Variants in NAPEPLD observed in about 807,000 individuals in gnomAD.
NAPEPLD encodes the protein N-acyl phosphatidylethanolamine phospholipase D, also known as N-acyl-phosphatidylethanolamine-hydrolyzing phospholipase D.
A neutral mutation model predicts 38.1 loss-of-function variants in NAPEPLD; 23 were observed. The ratio of observed to expected loss-of-function variants is 0.60; its 90% CI spans 0.43 to 0.86. NAPEPLD has a LOEUF of 0.86. NAPEPLD is among the 40% of genes least tolerant of loss of function. NAPEPLD has a pLI of 0.00. For missense variants in NAPEPLD, 411 were observed against 476.8 expected (o/e 0.86, Z 1.28); for synonymous variants, 147 against 162.0 (o/e 0.91, Z 0.71).
intron 1 of NAPEPLD, among the ~76,000 whole-genome samples, chr7:103,131,915 A>G (rs1449354921): frequency 6.6e-6 from 1 of 152,180 alleles, no homozygotes; most frequent in African/African-American, 2.4e-5. Context: ...GGAGTTCGAG[A>G]CTAGCCTGGC....
chr7:103,106,889 G>A lies in NAPEPLD; in HGVS notation c.1057-3335C>T, dbSNP rs139070370. ...AGAGCACTGGTTCTCCCAGCACAGC[G>A]TTCGAGCTCTGATAAGGGACAGACT... On this transcript the variant is annotated intron_variant, in intron 4 of 4. Coordinates refer to ENST00000465647, the MANE Select transcript of NAPEPLD (RefSeq NM_001122838.3). Among the ~76,000 whole-genome samples the A allele has an allele frequency of 5.3e-5, 8 of 152,290 alleles. No individual in the cohort carries two copies. In the East Asian group the frequency reaches 1.2e-3, roughly 22 times the overall value.
At chr7:103,115,892 G>C (rs1327578660) in intron 3 of NAPEPLD, among the ~76,000 whole-genome samples, 1 of 152,100 alleles carries the variant, frequency 6.6e-6, no homozygotes, top group Non-Finnish European at 1.5e-5. Context: ...GAATGGGGTG[G>C]TAACTTCTTG....
At chr7:103,125,261 CAATT>C (rs1807521613) in intron 2 of NAPEPLD, among the ~76,000 whole-genome samples, 1 of 152,098 alleles carries the variant, frequency 6.6e-6, no homozygotes, top group African/African-American at 2.4e-5. Flanking sequence ...AACTCCAATT[CAATT>C]AATTATTGAT....
Position 103,136,736 on chromosome 7 carries a change from ATT to A in NAPEPLD, c.-16-7946_-16-7945del, listed in dbSNP as rs1157759230. ...AAGCCTAAGTTACTGAATTTTTTTC[ATT>A]TTTCTTTCCTTAATTTCACGTAACA... On this transcript the variant is annotated intron_variant, in intron 1 of 4. Coordinates refer to ENST00000465647, the MANE Select transcript of NAPEPLD (RefSeq NM_001122838.3). 3.3e-5 allele frequency among the ~76,000 whole-genome samples: 5 copies of A among 152,008 alleles called. No homozygotes were observed. In the East Asian group the frequency reaches 9.6e-4, roughly 29 times the overall value.
Position 103,101,499 on chromosome 7 carries a change from A to G in NAPEPLD, c.*1930T>C, listed in dbSNP as rs1469822552. 1 of 152,618 alleles carries G rather than the reference A, an allele frequency of 6.6e-6. No homozygotes were observed. The highest frequency in any genetic ancestry group is 6.5e-5 in the Admixed American group (1 of 15,280). 9.5% of individuals were successfully genotyped at this position (152,618 alleles called of 1,614,324 possible). Reference sequence around the variant, plus strand: ...ATATAATGCTTAAATTTGCAACAGGAACAATACATTATCAAAAGCATTAAC... The same window carrying G: ...ATATAATGCTTAAATTTGCAACAGGGACAATACATTATCAAAAGCATTAAC... On this transcript the variant is annotated 3_prime_UTR_variant, in exon 5 of 5. Transcript: ENST00000465647.
In NAPEPLD at chr7:103,149,085, C is replaced by G; in HGVS notation, c.-291G>C. On this transcript the variant is annotated 5_prime_UTR_variant, in exon 1 of 5. Coordinates refer to ENST00000465647, the MANE Select transcript of NAPEPLD (RefSeq NM_001122838.3). ...TTCGCCGAAGAATTCCAAACCACCCCAGGCTCAGCAGTGTGGATTGCTCCG... is the reference window on the plus strand; with the variant it reads ...TTCGCCGAAGAATTCCAAACCACCCGAGGCTCAGCAGTGTGGATTGCTCCG... 1.0e-6 allele frequency: 1 copy of G among 985,546 alleles called. No homozygotes were observed. Among genetic ancestry groups the G allele is most frequent in the Non-Finnish European group, 1.2e-6 (1 of 830,040 alleles). 61.1% of individuals were successfully genotyped at this position (985,546 alleles called of 1,614,324 possible). A position where few individuals can be genotyped will look rare whatever the true frequency, so the allele number is the denominator to read the frequency against.
At position 103,148,860 on chromosome 7, in the gene NAPEPLD, G is replaced by A; in HGVS notation, c.-66C>T. On this transcript the variant is annotated 5_prime_UTR_variant, in exon 1 of 5. Coordinates refer to ENST00000465647, the MANE Select transcript of NAPEPLD (RefSeq NM_001122838.3). ...AACCTGGTAATTTGCAGGGAAGATA[G>A]GATCTCAAATCCCAGACAGCTACTC... The A allele has an allele frequency of 1.0e-6, 1 of 985,386 alleles. No homozygotes were observed. Among genetic ancestry groups the A allele is most frequent in the Non-Finnish European group, 1.2e-6 (1 of 829,916 alleles). The allele number at this position is 985,386 out of a possible 1,614,324, so 61.0% of individuals were successfully genotyped here. A position where few individuals can be genotyped will look rare whatever the true frequency, so the allele number is the denominator to read the frequency against.
chr7:103,120,026 T>C lies in NAPEPLD; in HGVS notation c.492A>G (p.Arg164=). The change falls in exon 3 of 5, where the codon CGA becomes CGG. Residue 164 remains arginine (R), a synonymous_variant. Transcript: ENST00000465647. ...TTATTGTGCACGGGGAACGACGAAA[T>C]CGCTTTGGACCCATGTACTGCGATG... ...ASPSQYMGPK[R]FRRSPCTISE... The C allele has an allele frequency of 1.2e-6, 2 of 1,614,146 alleles. No homozygotes were observed. The highest frequency in any genetic ancestry group is 1.7e-6 in the Non-Finnish European group (2 of 1,180,032).
At chr7:103,118,310 AATT>A (rs1359577525) in intron 3 of NAPEPLD, among the ~76,000 whole-genome samples, 5 of 152,226 alleles carry the variant, frequency 3.3e-5, no homozygotes, top group African/African-American at 9.6e-5. Flanking sequence ...GTTTCATTAG[AATT>A]ATAACTATTT....
intron 1 of NAPEPLD, chr7:103,141,957 C>A (rs560904242): frequency 1.2e-6 from 1 of 816,282 alleles, no homozygotes. Flanking sequence ...GCCACAGCAG[C>A]GAAAGGAAAG....
chr7:103,104,165 G>A (rs904549827), intron 4 of NAPEPLD, among the ~76,000 whole-genome samples: 10 of 152,176 alleles, frequency 6.6e-5, no homozygotes, highest in African/African-American at 2.2e-4. Context: ...TGTTTGAAAA[G>A]TAAGCTTGAG....
chr7:103,133,009 C>T (rs1002041876), intron 1 of NAPEPLD, among the ~76,000 whole-genome samples: 1 of 152,148 alleles, frequency 6.6e-6, no homozygotes, highest in African/African-American at 2.4e-5. Flanking sequence ...CTAACACACA[C>T]AAAGTCCAGT....
At chr7:103,149,596 C>T (rs1813314055), upstream of NAPEPLD, 1 of 831,062 alleles carries the variant, frequency 1.2e-6, no homozygotes, top group South Asian at 1.7e-5. Context: ...GATGGCCGCC[C>T]CTGTGGGCCG....
Position 103,101,697 on chromosome 7 carries a change from C to T in NAPEPLD, c.*1732G>A, listed in dbSNP as rs11560367. 0.88 allele frequency: 134,871 copies of T among 152,628 alleles called. 62,000 individuals are homozygous for T. The highest frequency in any genetic ancestry group is 1 in the East Asian group (5,195 of 5,196). 9.5% of individuals were successfully genotyped at this position (152,628 alleles called of 1,614,324 possible). On this transcript the variant is annotated 3_prime_UTR_variant, in exon 5 of 5. Coordinates refer to ENST00000465647, the MANE Select transcript of NAPEPLD (RefSeq NM_001122838.3). ...AATGAGGAAACAGGCACAGTGAGCA[C>T]TGGTGACTTGTTTCAGGTTACACAA...
chr7:103,141,721 G>A, intron 1 of NAPEPLD: 1 of 864,174 alleles, frequency 1.2e-6, no homozygotes, highest in Non-Finnish European at 2.0e-6. Context: ...CCATATGCCT[G>A]CCCTTCCGGC....
At chr7:103,144,639 A>G (rs1305590647) in intron 1 of NAPEPLD, among the ~76,000 whole-genome samples, 3 of 151,812 alleles carry the variant, frequency 2.0e-5, no homozygotes, top group Non-Finnish European at 2.9e-5. Context: ...GTCAAGTCCC[A>G]TAAAGAGAAA....
intron 1 of NAPEPLD, among the ~76,000 whole-genome samples, chr7:103,143,103 A>G (rs567326735): frequency 6.6e-5 from 10 of 152,058 alleles, no homozygotes; most frequent in Non-Finnish European, 1.3e-4. Context: ...ACACACACGC[A>G]AAAATTAGCC....
chr7:103,120,252 G>C (rs79229777), intron 2 of NAPEPLD, 29 bp from the exon 3 acceptor site: 5 of 1,576,468 alleles, frequency 3.2e-6, no homozygotes, highest in Non-Finnish European at 4.3e-6. Flanking sequence ...CAAGACAAAA[G>C]AGTAGTTAGA....
At chr7:103,120,930 T>C (rs1314921490) in intron 2 of NAPEPLD, among the ~76,000 whole-genome samples, 1 of 152,038 alleles carries the variant, frequency 6.6e-6, no homozygotes, top group Non-Finnish European at 1.5e-5. Flanking sequence ...CAGATTGATC[T>C]TGAACTCCTG....
Sources: allele counts gnomAD v4.1 joint callset (sites outside exome capture counted in the v4.1 genomes callset), GRCh38; gene constraint gnomAD v4.1.1; transcripts MANE v1.5; gene names NCBI Gene and HGNC (gene_info 2026-07-23, HGNC 2026-07-21).